GRIP1: variants seen among roughly 807,000 people sequenced by gnomAD.
GRIP1 encodes glutamate receptor interacting protein 1.
In GRIP1, 45 loss-of-function variants were observed where a neutral mutation model predicts 129.9. That is an observed-to-expected ratio of 0.35 (90% CI 0.27 to 0.44). The LOEUF is 0.44. GRIP1 is among the 20% of genes least tolerant of loss of function. The pLI is 1.00. For missense variants in GRIP1, 1,196 were observed against 1,396.8 expected (o/e 0.86, Z 2.29); for synonymous variants, 530 against 520.8 (o/e 1.02, Z -0.24).
chr12:66,897,165 T>C (rs1377713741), intron 1 of GRIP1, among the ~76,000 whole-genome samples: 1 of 152,174 alleles, frequency 6.6e-6, no homozygotes, highest in Non-Finnish European at 1.5e-5. Flanking sequence ...ATGGCATGAA[T>C]CAATGCATGG....
rs574672841 is a variant in GRIP1, at chr12:66,509,104, G to A, written c.724+6515C>T. On this transcript the variant is annotated intron_variant, in intron 7 of 24. Transcript: ENST00000359742. ...AAGGTCTAAGCAAAATAAGTATTCC[G>A]ATGAACTTATAGAAAATAAAATGAT... Among the ~76,000 whole-genome samples, 3 of 152,202 alleles carry A rather than the reference G, an allele frequency of 2.0e-5. No homozygotes were observed. In the South Asian group the frequency reaches 6.2e-4, roughly 32 times the overall value.
At chr12:66,773,268 C>T (rs149980545) in intron 1 of GRIP1, among the ~76,000 whole-genome samples, 8,083 of 152,212 alleles carry the variant, frequency 0.053, 303 homozygotes, top group Middle Eastern at 0.13. Flanking sequence ...CAAGTCTTTG[C>T]TATTGTGAGC....
chr12:66,444,686 C>G lies in GRIP1; in HGVS notation c.1585G>C (p.Gly529Arg). The G allele has an allele frequency of 6.2e-7, 1 of 1,613,922 alleles. No individual in the cohort carries two copies. The highest frequency in any genetic ancestry group is 8.5e-7 in the Non-Finnish European group (1 of 1,179,886). Residue 529 changes from glycine (G) to arginine (R), a missense_variant, in exon 13 of 25, where the codon GGA becomes CGA. This residue lies in a region of GRIP1 where 508 missense variants were observed against 587.0 expected (regional missense o/e 0.87). Transcript: ENST00000359742. ...AAGGTGCTGTCTTCTGTTGGAATTC[C>G]ATTGATGGCCATCACTCTGTCTCCA... ...QIGDRVMAIN[G>R]IPTEDSTFEE...
rs183784649 is a variant in GRIP1 at position 66,866,173 on chromosome 12, G to T, written c.58+202877C>A. Among the ~76,000 whole-genome samples the T allele has an allele frequency of 4.7e-3, 717 of 152,208 alleles. 2 individuals are homozygous for T. The highest frequency in any genetic ancestry group is 8.1e-3 in the Non-Finnish European group (554 of 67,986). On this transcript the variant is annotated intron_variant, in intron 1 of 1. Coordinates refer to the GRIP1 transcript ENST00000643019. ...AGAAACACCTACTCTTAAATGATTT[G>T]CTTTTTAAGGGCAGGCTGGGCACAG...
chr12:67,020,454 C>G (rs2042848827), intron 1 of GRIP1, among the ~76,000 whole-genome samples: 1 of 152,190 alleles, frequency 6.6e-6, no homozygotes, highest in African/African-American at 2.4e-5. Flanking sequence ...CTTGCCCAGG[C>G]TGGAGTGCAG....
chr12:66,533,880 T>TCTCTC lies in GRIP1; in HGVS notation c.419-3967_419-3966insGAGAG, dbSNP rs1565836273. Among the ~76,000 whole-genome samples, 295 of 128,740 alleles carry TCTCTC rather than the reference T, an allele frequency of 2.3e-3. 1 individual carries two copies. Among genetic ancestry groups the TCTCTC allele is most frequent in the African/African-American group, 7.7e-3 (271 of 35,136 alleles). The allele number at this position is 128,740 out of a possible 152,430, so 84.5% of individuals were successfully genotyped here. ...ACACACACTCACACACACACACACA[T>TCTCTC]ACACACACTCTCTCTCTCTCTCTCT... On this transcript the variant is annotated intron_variant, in intron 4 of 24. Coordinates refer to ENST00000359742, the MANE Select transcript of GRIP1 (RefSeq NM_001366722.1).
At chr12:66,963,957 C>A (rs2041959513) in intron 1 of GRIP1, among the ~76,000 whole-genome samples, 1 of 152,126 alleles carries the variant, frequency 6.6e-6, no homozygotes, top group Non-Finnish European at 1.5e-5. Context: ...ACACCAGGAA[C>A]CTGGGAGTGA....
At chr12:67,068,937 C>T (rs1194255740) in intron 1 of GRIP1, 3 of 310,562 alleles carry the variant, frequency 9.7e-6, no homozygotes, top group Non-Finnish European at 1.4e-5. Flanking sequence ...GGGCGCGGCG[C>T]CCCTCCCCCG....
chr12:66,736,346 A>ATTTTTTTTTTTTTT lies in GRIP1; in HGVS notation c.-420+67693_-420+67706dup, dbSNP rs547706592. ...AGGTGTGCACCACCGTGCCTGGCTA[A>ATTTTTTTTTTTTTT]TTTTTTTTTTTTTTTTTTTTTTTTT... is the stretch of plus-strand genomic sequence containing the variant. On this transcript the variant is annotated intron_variant, in intron 1 of 4. Transcript: ENST00000538373. 3.6e-4 allele frequency among the ~76,000 whole-genome samples: 24 copies of ATTTTTTTTTTTTTT among 67,022 alleles called. 4 individuals carry two copies. Among genetic ancestry groups the ATTTTTTTTTTTTTT allele is most frequent in the Non-Finnish European group, 4.4e-4 (16 of 36,460 alleles). The allele number at this position is 67,022 out of a possible 152,430, so 44.0% of individuals were successfully genotyped here.
chr12:66,878,832 G>A (rs1005873737), intron 1 of GRIP1, among the ~76,000 whole-genome samples: 5 of 151,962 alleles, frequency 3.3e-5, no homozygotes, highest in East Asian at 1.9e-4. Flanking sequence ...TAGAGGTGAC[G>A]CAATTTTAGA....
chr12:66,664,538 A>G (rs17827000), intron 1 of GRIP1, among the ~76,000 whole-genome samples: 7,473 of 152,244 alleles, frequency 0.049, 249 homozygotes, highest in African/African-American at 0.083. Context: ...GAGAACTAAA[A>G]TGTGCCTTAA....
intron 1 of GRIP1, among the ~76,000 whole-genome samples, chr12:66,689,949 C>T (rs74975476): frequency 3.7e-4 from 56 of 152,022 alleles, no homozygotes; most frequent in African/African-American, 1.3e-3. Flanking sequence ...GACAGGGCCT[C>T]GCTTTCTTGC....
chr12:66,937,513 T>G lies in GRIP1; in HGVS notation c.58+131537A>C, dbSNP rs140883707. ...TTCTGAGATCTGGTAGGCACAACAA[T>G]TTAATTAAGTAATACACAAGCTCAT... On this transcript the variant is annotated intron_variant, in intron 1 of 1. Coordinates refer to the GRIP1 transcript ENST00000643019. Among the ~76,000 whole-genome samples, 282 of 152,256 alleles carry G rather than the reference T, an allele frequency of 1.9e-3. 1 individual carries two copies. The highest frequency in any genetic ancestry group is 3.3e-3 in the Non-Finnish European group (223 of 68,008).
upstream of GRIP1, among the ~76,000 whole-genome samples, chr12:66,680,396 AC>A (rs2034538723): frequency 6.6e-6 from 1 of 152,200 alleles, no homozygotes; most frequent in African/African-American, 2.4e-5. Flanking sequence ...TGTGTGAAAA[AC>A]ATCTGAATAT....
intron 1 of GRIP1, among the ~76,000 whole-genome samples, chr12:67,052,413 C>T (rs1022077630): frequency 6.6e-6 from 1 of 152,118 alleles, no homozygotes; most frequent in Non-Finnish European, 1.5e-5. Flanking sequence ...CTATATATAG[C>T]TATCATTACT....
chr12:67,041,040 A>G (rs2043169597), intron 1 of GRIP1, among the ~76,000 whole-genome samples: 1 of 151,942 alleles, frequency 6.6e-6, no homozygotes, highest in Non-Finnish European at 1.5e-5. Flanking sequence ...CTGCCTTTGG[A>G]CTCAGACTTC....
intron 23 of GRIP1, 63 bp downstream of exon 23, chr12:66,371,631 G>A (rs989744703): frequency 1.4e-5 from 14 of 1,025,720 alleles, no homozygotes; most frequent in Non-Finnish European, 1.7e-5. Context: ...ACATCTCGGC[G>A]TACATGCTAT....
intron 1 of GRIP1, among the ~76,000 whole-genome samples, chr12:66,613,329 A>G (rs1177299244): frequency 6.6e-6 from 1 of 152,174 alleles, no homozygotes; most frequent in Non-Finnish European, 1.5e-5. Context: ...AATTACCACT[A>G]ACTGCACAAA....
intron 1 of GRIP1, among the ~76,000 whole-genome samples, chr12:66,948,793 C>T (rs1339228951): frequency 1.3e-5 from 2 of 152,050 alleles, no homozygotes. Flanking sequence ...ATCTTTTCTT[C>T]GATTTGCATT....
Sources: allele counts gnomAD v4.1 joint callset (sites outside exome capture counted in the v4.1 genomes callset), GRCh38; gene constraint gnomAD v4.1.1; regional missense constraint gnomAD v4.1.1; transcripts MANE v1.5; gene names NCBI Gene and HGNC (gene_info 2026-07-23, HGNC 2026-07-21).